A1CF: variants seen among roughly 807,000 people sequenced by gnomAD.
The protein encoded by A1CF is APOBEC-1 stimulating protein.
In A1CF, 48 loss-of-function variants were observed where a neutral mutation model predicts 68.9. That is an observed-to-expected ratio of 0.70 (90% confidence interval 0.55 to 0.89). The LOEUF is 0.89. Ranked by LOEUF, A1CF falls within the 40% of genes least tolerant of loss-of-function variation. The pLI is 0.00. For synonymous variants in A1CF, 272 were observed against 260.4 expected (o/e 1.04, Z -0.43); for missense variants, 653 against 718.9 (o/e 0.91, Z 1.05).
chr10:50,877,753 A>G (rs1330975181), intron 1 of A1CF, among the ~76,000 whole-genome samples: 1 of 152,176 alleles, frequency 6.6e-6, no homozygotes, highest in Non-Finnish European at 1.5e-5. Context: ...TCTGATAATT[A>G]CCCAGTTTCC....
chr10:50,830,222 C>T (rs1363413240), intron 6 of A1CF, among the ~76,000 whole-genome samples: 1 of 152,160 alleles, frequency 6.6e-6, no homozygotes, highest in Non-Finnish European at 1.5e-5. Context: ...ATTCTACACT[C>T]TGCTTATATG....
At chr10:50,814,347 T>TTTTGTC (rs1838267534) in intron 9 of A1CF, among the ~76,000 whole-genome samples, 1 of 152,200 alleles carries the variant, frequency 6.6e-6, no homozygotes, top group Non-Finnish European at 1.5e-5. Context: ...AATTTGCAAT[T>TTTTGTC]TTTGTCTTTA....
At chr10:50,870,911 C>T in intron 1 of A1CF, among the ~76,000 whole-genome samples, 2 of 151,590 alleles carry the variant, frequency 1.3e-5, no homozygotes, top group South Asian at 4.2e-4. Flanking sequence ...GGGATCACTA[C>T]AAAAATATAA....
rs117908114 is a variant in A1CF at position 50,863,128 on chromosome 10, C to T, written c.-46+905G>A. ...GTTATTGAGAAAATCTGTATAATATCTCAATTATAGTGTCAAGTCATTGGG... is the reference window on the plus strand; with the variant it reads ...GTTATTGAGAAAATCTGTATAATATTTCAATTATAGTGTCAAGTCATTGGG... On this transcript the variant is annotated intron_variant, in intron 2 of 12. Transcript: ENST00000373997. 13 of 152,254 alleles carry T rather than the reference C, an allele frequency of 8.5e-5. No homozygotes were observed. In the East Asian group the frequency reaches 2.5e-3, roughly 29 times the overall value. The allele number at this position is 152,254 out of a possible 1,614,324, so 9.4% of individuals were successfully genotyped here.
At chr10:50,845,554 C>T (rs1363775096) in intron 3 of A1CF, among the ~76,000 whole-genome samples, 2 of 152,128 alleles carry the variant, frequency 1.3e-5, no homozygotes, top group South Asian at 4.1e-4. Context: ...AGTGGAGAAG[C>T]CAGAATTTGA....
chr10:50,878,733 A>G (rs1289763184), intron 1 of A1CF, among the ~76,000 whole-genome samples: 3 of 152,200 alleles, frequency 2.0e-5, no homozygotes. Context: ...CTCTTAAAAT[A>G]TCTTAAGGGT....
intron 3 of A1CF, among the ~76,000 whole-genome samples, chr10:50,855,831 A>G (rs1840453677): frequency 6.6e-6 from 1 of 152,016 alleles, no homozygotes; most frequent in South Asian, 2.1e-4. Context: ...CCTAATCTAT[A>G]AAATTCTAAA....
chr10:50,881,059 G>A (rs564781193), intron 1 of A1CF, among the ~76,000 whole-genome samples: 93 of 151,340 alleles, frequency 6.1e-4, no homozygotes, highest in African/African-American at 2.1e-3. Flanking sequence ...GTGCGATCTC[G>A]GCTCACTGCA....
chr10:50,809,795 A>C, intron 12 of A1CF, 99 bp downstream of exon 12: 1 of 1,524,454 alleles, frequency 6.6e-7, no homozygotes, highest in East Asian at 2.3e-5. Flanking sequence ...AGATTGCTGT[A>C]AGTAGGGTAC....
intron 8 of A1CF, among the ~76,000 whole-genome samples, chr10:50,819,912 G>GT (rs1838565968): frequency 6.6e-6 from 1 of 152,148 alleles, no homozygotes. Flanking sequence ...CTTTGCACGA[G>GT]TTTGTGTAGT....
chr10:50,859,252 T>C (rs1218560500), intron 3 of A1CF, among the ~76,000 whole-genome samples: 1 of 152,186 alleles, frequency 6.6e-6, no homozygotes, highest in Non-Finnish European at 1.5e-5. Context: ...ATAAAGATAA[T>C]AATAATATAC....
At chr10:50,849,196 C>G (rs1398245896) in intron 3 of A1CF, among the ~76,000 whole-genome samples, 1 of 152,258 alleles carries the variant, frequency 6.6e-6, no homozygotes, top group Non-Finnish European at 1.5e-5. Flanking sequence ...GAACAACACA[C>G]AGTGCTGCAG....
At chr10:50,881,080 C>T (rs1468800480) in intron 1 of A1CF, among the ~76,000 whole-genome samples, 2 of 151,896 alleles carry the variant, frequency 1.3e-5, no homozygotes, top group African/African-American at 4.8e-5. Context: ...ACCTTCGCCT[C>T]CTGGGTTCAA....
Position 50,799,720 on chromosome 10 carries a change from A to G in A1CF, c.*7009T>C, listed in dbSNP as rs984601957. 6.6e-6 allele frequency: 1 copy of G among 152,142 alleles called. No homozygotes were observed. Among genetic ancestry groups the G allele is most frequent in the Non-Finnish European group, 1.5e-5 (1 of 67,986 alleles). 9.4% of individuals were successfully genotyped at this position (152,142 alleles called of 1,614,324 possible). ...TGGTACCTCAGCTAACTAACTTCACATAAATAAAAATAATAACAAAAAAGA... is the reference window on the plus strand; with the variant it reads ...TGGTACCTCAGCTAACTAACTTCACGTAAATAAAAATAATAACAAAAAAGA... On this transcript the variant is annotated 3_prime_UTR_variant, in exon 13 of 13. Coordinates refer to ENST00000373997, the MANE Select transcript of A1CF (RefSeq NM_014576.4).
At chr10:50,865,486 T>C (rs1840946222) in intron 1 of A1CF, among the ~76,000 whole-genome samples, 1 of 152,210 alleles carries the variant, frequency 6.6e-6, no homozygotes, top group Admixed American at 6.5e-5. Flanking sequence ...TTAATTATTA[T>C]AATTATCAAT....
At chr10:50,883,035 C>A (rs562133276) in intron 1 of A1CF, among the ~76,000 whole-genome samples, 2 of 152,056 alleles carry the variant, frequency 1.3e-5, no homozygotes, top group Non-Finnish European at 2.9e-5. Context: ...TGCTTTAATA[C>A]TAAAAAAATT....
At chr10:50,818,484 G>T (rs945016358) in intron 8 of A1CF, among the ~76,000 whole-genome samples, 6 of 151,822 alleles carry the variant, frequency 4.0e-5, no homozygotes, top group African/African-American at 1.5e-4. Context: ...CAAAAATTGG[G>T]AATTTGAATA....
chr10:50,827,750 A>T (rs970246504), intron 7 of A1CF, among the ~76,000 whole-genome samples: 2 of 152,224 alleles, frequency 1.3e-5, no homozygotes, highest in African/African-American at 4.8e-5. Context: ...GAGCAAACAC[A>T]TTCAAAAGCT....
chr10:50,815,212 T>C (rs1038315976), intron 9 of A1CF, among the ~76,000 whole-genome samples: 1 of 152,152 alleles, frequency 6.6e-6, no homozygotes, highest in African/African-American at 2.4e-5. Context: ...GAAAAACTCA[T>C]CTGAAGGAGC....
Sources: allele counts gnomAD v4.1 joint callset (sites outside exome capture counted in the v4.1 genomes callset), GRCh38; gene constraint gnomAD v4.1.1; transcripts MANE v1.5; gene names NCBI Gene and HGNC (gene_info 2026-07-23, HGNC 2026-07-21).